Variants in STK32C observed in about 807,000 individuals in gnomAD.
STK32C encodes serine/threonine kinase 32C, also known as serine/threonine-protein kinase 32C.
In STK32C, 31 loss-of-function variants were observed where a neutral mutation model predicts 56.5. The ratio of observed to expected loss-of-function variants is 0.55; its 90% CI spans 0.41 to 0.74. STK32C has a LOEUF of 0.74. Ranked by LOEUF, STK32C falls within the 30% of genes least tolerant of loss-of-function variation. STK32C has a pLI of 0.00. For synonymous variants in STK32C, 309 were observed against 289.4 expected, an observed-to-expected ratio of 1.07 and a Z score of -0.69; for missense variants, 544 against 676.9, an observed-to-expected ratio of 0.80 and a Z score of 2.18.
At chr10:132,245,588 C>T (rs892769448) in intron 2 of STK32C, among the ~76,000 whole-genome samples, 1 of 152,222 alleles carries the variant, frequency 6.6e-6, no homozygotes, top group Non-Finnish European at 1.5e-5. Flanking sequence ...CCCTGTAGGT[C>T]CTGAGGAGCA....
At chr10:132,323,088 C>G (rs1407923918), downstream of STK32C, among the ~76,000 whole-genome samples, 1 of 152,146 alleles carries the variant, frequency 6.6e-6, no homozygotes, top group African/African-American at 2.4e-5. This position sits in a 1 kb window ranked among gnomAD's most constrained non-coding sequence, Gnocchi z 4.8. Flanking sequence ...ATTCTGTGTA[C>G]TATGATTATT....
At chr10:132,245,355 T>C (rs998760037) in intron 2 of STK32C, among the ~76,000 whole-genome samples, 1 of 152,196 alleles carries the variant, frequency 6.6e-6, no homozygotes, top group African/African-American at 2.4e-5. Flanking sequence ...CTTTGAGTTA[T>C]AATTACCCCC....
At chr10:132,281,212 CAG>C (rs2065194686) in intron 1 of STK32C, among the ~76,000 whole-genome samples, 1 of 147,102 alleles carries the variant, frequency 6.8e-6, no homozygotes, top group African/African-American at 2.5e-5. Flanking sequence ...CACACACACA[CAG>C]GTGCATAGAC....
At chr10:132,329,349 G>A (rs1211483459) in intron 1 of STK32C, among the ~76,000 whole-genome samples, 1 of 151,968 alleles carries the variant, frequency 6.6e-6, no homozygotes, top group Non-Finnish European at 1.5e-5. Context: ...GGGAGGCAAA[G>A]GCTACAGTGA....
In STK32C at chr10:132,255,114, T is replaced by C. The variant is rs2064061854; in HGVS notation, c.263-9159A>G. Among the ~76,000 whole-genome samples, 1 of 152,176 alleles carries C rather than the reference T, an allele frequency of 6.6e-6. No homozygotes were observed. The highest frequency in any genetic ancestry group is 1.5e-5 in the Non-Finnish European group (1 of 68,014). ...TGTCACAAAGATCAAATGTCACACGTGGTTGAAACACACGCAGAAGTTGAT... is the reference window on the plus strand; with the variant it reads ...TGTCACAAAGATCAAATGTCACACGCGGTTGAAACACACGCAGAAGTTGAT... On this transcript the variant is annotated intron_variant, in intron 1 of 11. Coordinates refer to ENST00000298630, the MANE Select transcript of STK32C (RefSeq NM_173575.4). This position sits in a 1 kb window ranked among gnomAD's most constrained non-coding sequence, Gnocchi z 4.6.
chr10:132,269,681 C>G (rs537196070), intron 1 of STK32C, among the ~76,000 whole-genome samples: 1 of 152,380 alleles, frequency 6.6e-6, no homozygotes, highest in African/African-American at 2.4e-5. Flanking sequence ...CAACCACATC[C>G]ACCTGGGAGC....
intron 1 of STK32C, among the ~76,000 whole-genome samples, chr10:132,301,083 G>A (rs371108603): frequency 3.3e-5 from 5 of 152,026 alleles, no homozygotes; most frequent in Admixed American, 1.3e-4. Context: ...CAAGTAGAAG[G>A]CCTGGTCGTC....
intron 1 of STK32C, among the ~76,000 whole-genome samples, chr10:132,317,967 CAAAAA>C (rs1223040750): frequency 9.0e-5 from 5 of 55,570 alleles, no homozygotes; most frequent in Non-Finnish European, 1.2e-4. Flanking sequence ...GACTCTGTCT[CAAAAA>C]AAAAAAAAAA....
intron 2 of STK32C, among the ~76,000 whole-genome samples, chr10:132,230,687 G>GC (rs2063067898): frequency 7.0e-6 from 1 of 143,214 alleles, no homozygotes; most frequent in African/African-American, 2.5e-5. Flanking sequence ...GGCGGGGGGG[G>GC]GGGGGCTGCA....
At chr10:132,234,420 G>A (rs1292088564) in intron 2 of STK32C, among the ~76,000 whole-genome samples, 3 of 152,188 alleles carry the variant, frequency 2.0e-5, no homozygotes, top group Non-Finnish European at 4.4e-5. Context: ...TCCTCCAGCA[G>A]GTTTGCCCAC....
intron 4 of STK32C, among the ~76,000 whole-genome samples, chr10:132,226,437 G>A (rs1381610940): frequency 1.3e-5 from 2 of 152,152 alleles, no homozygotes; most frequent in African/African-American, 4.8e-5. Context: ...AAATTAGTTT[G>A]GATTCCCTGG....
chr10:132,331,576 G>T, exon 1 of STK32C: 10 of 1,612,934 alleles, frequency 6.2e-6, no homozygotes, highest in Non-Finnish European at 8.5e-6. Flanking sequence ...AGTGGCTCCA[G>T]GAAGCCCCAG....
chr10:132,324,861 G>A (rs575721911), intron 1 of STK32C, among the ~76,000 whole-genome samples: 6 of 152,316 alleles, frequency 3.9e-5, no homozygotes, highest in South Asian at 4.1e-4. Context: ...AGAAAGGAAG[G>A]ACAACTGAAA....
chr10:132,277,782 T>G (rs2138200735), intron 1 of STK32C, among the ~76,000 whole-genome samples: 1 of 152,200 alleles, frequency 6.6e-6, no homozygotes, highest in South Asian at 2.1e-4. Flanking sequence ...CATGCACACA[T>G]GCTCCTTTCC....
chr10:132,219,037 G>A (rs2062553246), intron 10 of STK32C, among the ~76,000 whole-genome samples: 1 of 152,194 alleles, frequency 6.6e-6, no homozygotes, highest in Non-Finnish European at 1.5e-5. Flanking sequence ...GGCTGCCAGG[G>A]GAGGGGAGAA....
In STK32C at chr10:132,255,793, G is replaced by A. The variant is rs559565733; in HGVS notation, c.263-9838C>T. 2.6e-5 allele frequency among the ~76,000 whole-genome samples: 4 copies of A among 152,304 alleles called. No individual in the cohort carries two copies. Among genetic ancestry groups the A allele is most frequent in the South Asian group, 4.1e-4 (2 of 4,830 alleles). ...CAGTCCAGAGGGGGCCTGGAGCCTC[G>A]AGGTCATGCCTGGGTGCCAGCACCA... is the stretch of plus-strand genomic sequence containing the variant. On this transcript the variant is annotated intron_variant, in intron 1 of 11. Coordinates refer to ENST00000298630, the MANE Select transcript of STK32C (RefSeq NM_173575.4). This position sits in a 1 kb window ranked among gnomAD's most constrained non-coding sequence, Gnocchi z 4.6.
intron 1 of STK32C, among the ~76,000 whole-genome samples, chr10:132,266,184 T>A (rs1399103228): frequency 3.9e-5 from 6 of 152,202 alleles, no homozygotes; most frequent in Non-Finnish European, 8.8e-5. Flanking sequence ...CATAGCCACG[T>A]GGATGAATCT....
chr10:132,279,959 C>T (rs2065111190), intron 1 of STK32C, among the ~76,000 whole-genome samples: 2 of 138,428 alleles, frequency 1.4e-5, no homozygotes, highest in Non-Finnish European at 3.2e-5. Flanking sequence ...CCCCTGCACC[C>T]CGTGACCACG....
In STK32C at chr10:132,274,471, T is replaced by C. The variant is rs116642483; in HGVS notation, c.263-28516A>G. On this transcript the variant is annotated intron_variant, in intron 1 of 11. Transcript: ENST00000298630. ...TTGATGGGAGGTCAATATATGAAGATTGACAACTGTTCACAGTTGTTTTGC... is the reference window on the plus strand; with the variant it reads ...TTGATGGGAGGTCAATATATGAAGACTGACAACTGTTCACAGTTGTTTTGC... 6.6e-3 allele frequency among the ~76,000 whole-genome samples: 1,010 copies of C among 152,278 alleles called. 10 individuals are homozygous for C. Among genetic ancestry groups the C allele is most frequent in the African/African-American group, 0.023 (936 of 41,552 alleles).
Sources: gnomAD v4.1 joint callset for allele counts (sites outside exome capture counted in the v4.1 genomes callset) on GRCh38, gnomAD v4.1.1 for gene constraint, Gnocchi (gnomAD v3.1) non-coding constraint, MANE v1.5 for transcripts, NCBI Gene and HGNC (gene_info 2026-07-23, HGNC 2026-07-21) for gene names.